The following YTHDC2 variants were observed in gnomAD, a reference collection of about 807,000 sequenced individuals.
YTHDC2 encodes the protein 3'-5' RNA helicase YTHDC2.
A neutral mutation model predicts 174.9 loss-of-function variants in YTHDC2; 45 were observed. The ratio of observed to expected loss-of-function variants is 0.26; its 90% confidence interval spans 0.20 to 0.33. The LOEUF is 0.33. YTHDC2 is among the 10% of genes least tolerant of loss of function. The pLI, the probability that YTHDC2 is intolerant of heterozygous loss-of-function variation, is 1.00. For missense variants in YTHDC2, 1,650 were observed against 1,723.7 expected (o/e 0.96, Z 0.76); for synonymous variants, 657 against 574.5 (o/e 1.14, Z -2.05).
At chr5:113,567,321 G>A in intron 22 of YTHDC2, 24 bp downstream of exon 22, 2 of 1,571,346 alleles carry the variant, frequency 1.3e-6, no homozygotes, top group South Asian at 2.4e-5. Context: ...AATGCTGTTG[G>A]GTTTTGAGGT....
intron 5 of YTHDC2, 121 bp downstream of exon 5, chr5:113,533,166 C>T: frequency 9.2e-7 from 1 of 1,092,156 alleles, no homozygotes. Context: ...CCAAGTAAGT[C>T]TACATCAAGA....
intron 16 of YTHDC2, 61 bp downstream of exon 16, chr5:113,554,083 A>G (rs912144282): frequency 7.6e-7 from 1 of 1,320,280 alleles, no homozygotes; most frequent in Non-Finnish European, 1.0e-6. Flanking sequence ...ACTTCAACAA[A>G]TACTTTTATT....
At chr5:113,580,685 A>C (rs532599037) in intron 24 of YTHDC2, among the ~76,000 whole-genome samples, 1 of 152,160 alleles carries the variant, frequency 6.6e-6, no homozygotes, top group Non-Finnish European at 1.5e-5. Context: ...CATGTTGTCA[A>C]AGTCAGTCTG....
At chr5:113,584,616 TGA>T in intron 26 of YTHDC2, 137 bp downstream of exon 26, 1 of 699,872 alleles carries the variant, frequency 1.4e-6, no homozygotes, top group Non-Finnish European at 2.2e-6. Flanking sequence ...CTAGCAAACT[TGA>T]TACAGTTTGA....
intron 7 of YTHDC2, among the ~76,000 whole-genome samples, chr5:113,538,627 A>T (rs1775243914): frequency 7.5e-6 from 1 of 133,382 alleles, no homozygotes; most frequent in African/African-American, 3.4e-5. Context: ...CTTAGTGAGG[A>T]TACTTTCTTG....
intron 17 of YTHDC2, among the ~76,000 whole-genome samples, chr5:113,559,392 C>G (rs187421202): frequency 2.0e-5 from 3 of 152,218 alleles, no homozygotes; most frequent in African/African-American, 4.8e-5. Context: ...ATGAATTCTT[C>G]TAAAATTGAA....
At chr5:113,553,157 C>CTTTTTTTT (rs34053583) in intron 12 of YTHDC2, 24 bp from the exon 13 acceptor site, 27 of 1,098,516 alleles carry the variant, frequency 2.5e-5, no homozygotes, top group South Asian at 1.8e-4. Context: ...TTGACTTTGT[C>CTTTTTTTT]TTTTTTTTTT....
chr5:113,538,266 C>T (rs1443306446), intron 7 of YTHDC2, among the ~76,000 whole-genome samples: 1 of 152,116 alleles, frequency 6.6e-6, no homozygotes, highest in Non-Finnish European at 1.5e-5. Context: ...TCTTTAAATC[C>T]ATTCTCCATA....
Position 113,542,451 on chromosome 5 carries a change from T to C in YTHDC2, c.1443T>C (p.Asp481=). The change falls in exon 10 of 30, where the codon GAT becomes GAC. Residue 481 remains aspartate, a synonymous_variant. Transcript: ENST00000161863. ...TTTCTGATATATGGCTACATAAAGA[T>C]ATTGATGCCTTTGCTCAGGTCTTTC... is the stretch of plus-strand genomic sequence containing the variant. ...ACLSDIWLHK[D]IDAFAQVFHL... is the part of the protein sequence containing the mutation. 1 of 1,612,912 alleles carries C rather than the reference T, an allele frequency of 6.2e-7. No homozygotes were observed. The highest frequency in any genetic ancestry group is 8.5e-7 in the Non-Finnish European group (1 of 1,179,596).
At chr5:113,527,214 T>G (rs1174354730) in intron 4 of YTHDC2, among the ~76,000 whole-genome samples, 1 of 152,170 alleles carries the variant, frequency 6.6e-6, no homozygotes, top group Admixed American at 6.5e-5. Context: ...CAGTGAGGTG[T>G]AGAGATTATC....
At position 113,561,093 on chromosome 5, in the gene YTHDC2, A is replaced by G. The variant is rs758752203; in HGVS notation, c.2230A>G (p.Arg744Gly). The G allele has an allele frequency of 1.7e-5, 28 of 1,608,422 alleles. No individual in the cohort carries two copies. Among genetic ancestry groups the G allele is most frequent in the Non-Finnish European group, 2.2e-5 (26 of 1,176,744 alleles). Reference protein sequence around the residue: ...IQRKGRAGRCRPGICFRLFSR... With the variant: ...IQRKGRAGRCGPGICFRLFSR... ...TTTATTTTTAAGGGCAGGGCGATGT[A>G]GACCTGGAATTTGTTTTCGTCTGTT... Residue 744 changes from arginine (R) to glycine (G), a missense_variant, in exon 18 of 30, where the codon AGA becomes GGA. Physicochemically the swap from Arg to Gly is moderately radical, Grantham distance 125. This residue lies in a region of YTHDC2 where 913 missense variants were observed against 940.4 expected (regional missense o/e 0.97). Transcript: ENST00000161863.
chr5:113,564,060 G>C lies in YTHDC2; in HGVS notation c.2644G>C (p.Ala882Pro). 1.2e-6 allele frequency: 2 copies of C among 1,614,112 alleles called. No individual in the cohort carries two copies. Among genetic ancestry groups the C allele is most frequent in the Non-Finnish European group, 1.7e-6 (2 of 1,180,010 alleles). ...TACTCAGGCCTCTCAAAAACGTGCA[G>C]CTATGCTTTGTAGGAAACGTTTTAC... ...LPTQASQKRA[A>P]MLCRKRFTAG... The change falls in exon 20 of 30, where the codon GCT (alanine) becomes CCT (proline). Residue 882 changes from alanine (A) to proline (P), a missense_variant. This residue lies in a region of YTHDC2 where 913 missense variants were observed against 940.4 expected (regional missense o/e 0.97). Coordinates refer to ENST00000161863, the MANE Select transcript of YTHDC2 (RefSeq NM_022828.5).
chr5:113,553,133 T>G (rs1301629334), intron 12 of YTHDC2, 48 bp from the exon 13 acceptor site: 2 of 1,445,958 alleles, frequency 1.4e-6, no homozygotes, highest in Non-Finnish European at 1.8e-6. Flanking sequence ...AAGGATTACT[T>G]TTGTTAATGG....
rs1362359711 is a variant in YTHDC2, at chr5:113,555,617, T to A, written c.2134-435T>A. ...TTGGGATAAGATTATTGATTGTTAT[T>A]CTTACTCCACAAGGTTAGGTCCCTG... is the stretch of plus-strand genomic sequence containing the variant. On this transcript the variant is annotated intron_variant, in intron 16 of 29. Transcript: ENST00000161863. 4.6e-5 allele frequency among the ~76,000 whole-genome samples: 7 copies of A among 152,200 alleles called. No homozygotes were observed. In the East Asian group the frequency reaches 1.3e-3, roughly 29 times the overall value.
intron 7 of YTHDC2, among the ~76,000 whole-genome samples, chr5:113,537,041 T>G (rs1775128489): frequency 6.6e-6 from 1 of 152,218 alleles, no homozygotes; most frequent in Admixed American, 6.5e-5. Flanking sequence ...AAGTTGGTTC[T>G]AGATCCCCCG....
At chr5:113,569,969 A>G (rs1285188820) in intron 23 of YTHDC2, among the ~76,000 whole-genome samples, 1 of 152,188 alleles carries the variant, frequency 6.6e-6, no homozygotes, top group East Asian at 1.9e-4. Context: ...ATCCATGAGC[A>G]TGGAACGTTT....
intron 2 of YTHDC2, among the ~76,000 whole-genome samples, chr5:113,519,042 ATT>A (rs11294787): frequency 1.6e-4 from 23 of 147,610 alleles, no homozygotes; most frequent in African/African-American, 2.7e-4. Context: ...CTAATTTAAG[ATT>A]TTTTTTTTTT....
chr5:113,546,413 T>A (rs1401147648), intron 10 of YTHDC2, among the ~76,000 whole-genome samples: 3 of 152,208 alleles, frequency 2.0e-5, no homozygotes, highest in Non-Finnish European at 4.4e-5. Flanking sequence ...ACTAAAATGT[T>A]ACAGTAGCTC....
chr5:113,564,798 C>A (rs144332462), intron 20 of YTHDC2, among the ~76,000 whole-genome samples: 1 of 152,004 alleles, frequency 6.6e-6, no homozygotes, highest in African/African-American at 2.4e-5. Context: ...TCTTGAATGT[C>A]GACTGTGTCT....
Sources: allele counts gnomAD v4.1 joint callset (sites outside exome capture counted in the v4.1 genomes callset), GRCh38; gene constraint gnomAD v4.1.1; regional missense constraint gnomAD v4.1.1; transcripts MANE v1.5; gene names NCBI Gene and HGNC (gene_info 2026-07-23, HGNC 2026-07-21).